Variants in PRR23E observed in about 807,000 individuals in gnomAD.
PRR23E encodes proline-rich protein 23E.
At chr3:127,195,629 T>G in the PRR23E span, among the ~76,000 whole-genome samples, 1 of 152,118 alleles carries the variant, frequency 6.6e-6, no homozygotes, top group Non-Finnish European at 1.5e-5. Flanking sequence ...GACTGGAGGT[T>G]GTGGGGTGTT....
chr3:127,193,397 C>T, the PRR23E span: 1 of 152,434 alleles, frequency 6.6e-6, no homozygotes, highest in African/African-American at 2.4e-5. Context: ...TGGCATCTCC[C>T]CTCTCCTCCT....
chr3:127,197,078 C>T, the PRR23E span: 7 of 1,597,702 alleles, frequency 4.4e-6, no homozygotes, highest in East Asian at 2.2e-5. Context: ...TTCCTTTCCC[C>T]ATGAAATTCC....
chr3:127,193,296 AAGTT>A, the PRR23E span: 105 of 152,324 alleles, frequency 6.9e-4, no homozygotes, highest in African/African-American at 2.5e-3. Flanking sequence ...AGAAAGAACA[AAGTT>A]AGCCTTATGG....
At chr3:127,197,200 G>T in the PRR23E span, 6 of 1,595,692 alleles carry the variant, frequency 3.8e-6, no homozygotes, top group Admixed American at 1.0e-4. Context: ...GCCGTAGAGG[G>T]GCCATCCAGA....
chr3:127,196,805 C>G, the PRR23E span: 1 of 1,598,336 alleles, frequency 6.3e-7, no homozygotes, highest in East Asian at 2.2e-5. Context: ...TGGGCTCTGC[C>G]TATGGTTCCT....
the PRR23E span, chr3:127,196,504 C>T: frequency 1.0e-6 from 1 of 975,940 alleles, no homozygotes; most frequent in East Asian, 2.7e-5. Context: ...CTTCTGTCAC[C>T]TCACCCCCAG....
chr3:127,193,758 G>T, the PRR23E span, among the ~76,000 whole-genome samples: 1 of 152,224 alleles, frequency 6.6e-6, no homozygotes, highest in African/African-American at 2.4e-5. Flanking sequence ...AACAAACCCA[G>T]CATGTTTTTC....
At chr3:127,197,353 G>T in the PRR23E span, 17 of 1,589,622 alleles carry the variant, frequency 1.1e-5, no homozygotes, top group African/African-American at 2.3e-4. Context: ...CTGGACCCGG[G>T]CTGCTCCCGC....
chr3:127,196,621 C>CT, the PRR23E span: 4 of 1,490,208 alleles, frequency 2.7e-6, no homozygotes, highest in Non-Finnish European at 3.6e-6. Context: ...TGCGTGTGGC[C>CT]TCAGCTTGCA....
chr3:127,197,253 T>G, the PRR23E span: 1 of 1,599,414 alleles, frequency 6.3e-7, no homozygotes. Flanking sequence ...TCCCTCAGAA[T>G]GGGCCTCCAG....
chr3:127,196,634 G>T, the PRR23E span: 1 of 1,515,740 alleles, frequency 6.6e-7, no homozygotes, highest in South Asian at 1.3e-5. Flanking sequence ...AGCTTGCAGA[G>T]GAGTGCACTT....
the PRR23E span, among the ~76,000 whole-genome samples, chr3:127,194,775 C>A: frequency 2.0e-5 from 3 of 152,182 alleles, no homozygotes; most frequent in Non-Finnish European, 1.5e-5. Context: ...TCTGTCCCTG[C>A]AGGCATCTAT....
chr3:127,196,679 A>C, the PRR23E span: 1 of 1,583,792 alleles, frequency 6.3e-7, no homozygotes, highest in African/African-American at 1.3e-5. Flanking sequence ...AGCACAGCTC[A>C]TCTAAGATGG....
the PRR23E span, chr3:127,196,793 C>T: frequency 1.3e-6 from 2 of 1,597,808 alleles, no homozygotes; most frequent in Admixed American, 1.7e-5. Context: ...CCTGGGTGGC[C>T]ATGGGCTCTG....
the PRR23E span, among the ~76,000 whole-genome samples, chr3:127,193,698 C>T: frequency 6.6e-6 from 1 of 152,164 alleles, no homozygotes; most frequent in Non-Finnish European, 1.5e-5. Flanking sequence ...ACAAGGAAAT[C>T]GGGTTTTGAA....
At chr3:127,196,711 A>G in the PRR23E span, 2 of 1,592,656 alleles carry the variant, frequency 1.3e-6, no homozygotes, top group Non-Finnish European at 1.7e-6. Context: ...TCAGAGAAAC[A>G]AGCAGAGCAG....
At chr3:127,193,713 A>G in the PRR23E span, among the ~76,000 whole-genome samples, 17 of 152,212 alleles carry the variant, frequency 1.1e-4, no homozygotes, top group African/African-American at 3.9e-4. Flanking sequence ...TTTGAATTTG[A>G]TAGCTGTTTA....
At chr3:127,194,021 A>G in the PRR23E span, among the ~76,000 whole-genome samples, 1 of 152,252 alleles carries the variant, frequency 6.6e-6, no homozygotes, top group African/African-American at 2.4e-5. Flanking sequence ...CTGGTCTGCC[A>G]CATGTTGGAG....
the PRR23E span, chr3:127,196,559 G>C: frequency 5.7e-6 from 8 of 1,410,828 alleles, no homozygotes; most frequent in South Asian, 1.3e-4. Context: ...TGGTCTCCCT[G>C]CCCTCTGACT....
Sources: gnomAD v4.1 joint callset for allele counts (sites outside exome capture counted in the v4.1 genomes callset) on GRCh38, gnomAD v4.1.1 for gene constraint, MANE v1.5 for transcripts, NCBI Gene and HGNC (gene_info 2026-07-23, HGNC 2026-07-21) for gene names.